The following STK39 variants were observed in gnomAD, a reference collection of about 807,000 sequenced individuals.
The protein encoded by STK39 is serine/threonine kinase 39.
In STK39, 20 loss-of-function variants were observed where a neutral mutation model predicts 77.8. The observed-to-expected ratio is 0.26, with a 90% CI of 0.18 to 0.37. The LOEUF is 0.37. STK39 is among the 10% of genes least tolerant of loss of function. STK39 has a pLI of 1.00. For synonymous variants in STK39, 246 were observed against 234.1 expected (o/e 1.05, Z -0.47); for missense variants, 479 against 656.5 (o/e 0.73, Z 2.95).
chr2:168,009,626 A>T (rs1684219376), intron 16 of STK39, among the ~76,000 whole-genome samples: 1 of 152,232 alleles, frequency 6.6e-6, no homozygotes, highest in African/African-American at 2.4e-5. Context: ...TTTACCTTAT[A>T]GAATTGATGT....
At chr2:167,961,907 TA>T (rs1691970616) in intron 17 of STK39, among the ~76,000 whole-genome samples, 1 of 152,210 alleles carries the variant, frequency 6.6e-6, no homozygotes, top group Non-Finnish European at 1.5e-5. Flanking sequence ...TCTCTGGGGT[TA>T]ATTTGCCCAG....
chr2:168,168,757 G>A lies in STK39; in HGVS notation c.322-1350C>T, dbSNP rs529934181. ...TGTAATCCCAACACTTTGGGAGGCC[G>A]CAGCAGGCGGATCACCCGAGGTCAG... On this transcript the variant is annotated intron_variant, in intron 2 of 17. Transcript: ENST00000355999. Among the ~76,000 whole-genome samples, 8 of 152,336 alleles carry A rather than the reference G, an allele frequency of 5.3e-5. No individual in the cohort carries two copies. The South Asian group carries it at 8.3e-4, about 16-fold the overall frequency.
chr2:168,038,426 T>G (rs1685013579), intron 14 of STK39, among the ~76,000 whole-genome samples: 1 of 141,900 alleles, frequency 7.0e-6, no homozygotes, highest in Admixed American at 7.3e-5. Flanking sequence ...TCCATAGACC[T>G]AAATGTAAAG....
At chr2:168,099,390 T>A (rs1686760807) in intron 10 of STK39, among the ~76,000 whole-genome samples, 1 of 152,226 alleles carries the variant, frequency 6.6e-6, no homozygotes, top group Non-Finnish European at 1.5e-5. Flanking sequence ...TGTTAGCTTT[T>A]TATTAATGTT....
At chr2:167,993,786 G>A (rs1026269912) in intron 16 of STK39, among the ~76,000 whole-genome samples, 1 of 152,146 alleles carries the variant, frequency 6.6e-6, no homozygotes, top group African/African-American at 2.4e-5. Flanking sequence ...AAAATGTTAA[G>A]AGTCAAGTTT....
At chr2:167,956,695 C>CACACACAA (rs1471897166) in intron 17 of STK39, among the ~76,000 whole-genome samples, 3 of 39,426 alleles carry the variant, frequency 7.6e-5, no homozygotes, top group African/African-American at 4.5e-4. Flanking sequence ...CACACACACA[C>CACACACAA]ACTCTCTCTC....
chr2:168,086,868 T>C (rs756454287), intron 10 of STK39, among the ~76,000 whole-genome samples: 70 of 152,266 alleles, frequency 4.6e-4, no homozygotes, highest in Admixed American at 1.4e-3. Context: ...GAGAAGCAAT[T>C]AGATTTCTTA....
chr2:167,989,361 C>T (rs1683640997), intron 16 of STK39, among the ~76,000 whole-genome samples: 1 of 152,140 alleles, frequency 6.6e-6, no homozygotes, highest in Non-Finnish European at 1.5e-5. Flanking sequence ...TTAAGATGAA[C>T]TATCATGAAA....
intron 1 of STK39, among the ~76,000 whole-genome samples, chr2:168,233,815 G>C (rs1165790986): frequency 1.3e-5 from 2 of 152,068 alleles, no homozygotes; most frequent in African/African-American, 2.4e-5. Context: ...CCAACCAAAA[G>C]ACTCTAAAAT....
At chr2:168,149,062 A>G (rs1388709581) in intron 5 of STK39, among the ~76,000 whole-genome samples, 1 of 152,112 alleles carries the variant, frequency 6.6e-6, no homozygotes. Context: ...TTCCTACCAG[A>G]ATCTTGATTT....
intron 10 of STK39, among the ~76,000 whole-genome samples, chr2:168,077,379 GCCCATTTTCT>G (rs1161298674): frequency 6.6e-6 from 1 of 151,954 alleles, no homozygotes; most frequent in African/African-American, 2.4e-5. Flanking sequence ...CAATAAAATG[GCCCATTTTCT>G]CCCATTTTTA....
intron 1 of STK39, among the ~76,000 whole-genome samples, chr2:168,195,315 G>C (rs983381520): frequency 6.6e-6 from 1 of 152,134 alleles, no homozygotes; most frequent in East Asian, 1.9e-4. Context: ...TGGGAAGATC[G>C]CTTGAGCAGA....
chr2:168,015,667 T>C (rs1684385757), intron 15 of STK39, among the ~76,000 whole-genome samples: 2 of 152,186 alleles, frequency 1.3e-5, no homozygotes, highest in Non-Finnish European at 2.9e-5. Context: ...TTCATTGCCA[T>C]AGTCAATTTT....
chr2:168,122,994 G>C lies in STK39; in HGVS notation c.1089+6547C>G, dbSNP rs1418126640. 2.6e-5 allele frequency among the ~76,000 whole-genome samples: 4 copies of C among 152,192 alleles called. No individual in the cohort carries two copies. The East Asian group carries it at 7.7e-4, about 29-fold the overall frequency. ...CTGGAAGGTCCCACCTTATGCATAT[G>C]ATCAAAGTGAACGTTGCCAGTAAAG... is the stretch of plus-strand genomic sequence containing the variant. On this transcript the variant is annotated intron_variant, in intron 10 of 17. Transcript: ENST00000355999.
chr2:168,138,258 A>G lies in STK39; in HGVS notation c.841-37T>C, dbSNP rs754575438. ...ACAAACATGAAGACAGAATCTCAGT[A>G]TAGCAATTGCTACAATCTAGTTTTG... On this transcript the variant is annotated intron_variant, in intron 7 of 17. Transcript: ENST00000355999. 4.4e-6 allele frequency: 7 copies of G among 1,587,914 alleles called. No homozygotes were observed. In the African/African-American group the frequency reaches 5.4e-5, roughly 12 times the overall value.
In STK39 at chr2:168,223,841, T is replaced by C. The variant is rs567440028; in HGVS notation, c.208+23387A>G. On this transcript the variant is annotated intron_variant, in intron 1 of 17. Transcript: ENST00000355999. ...TCCATAAATGTTTGTATCAGAATTA[T>C]CTGGTCGACTTGAATTGCTTTTAAA... Among the ~76,000 whole-genome samples the C allele has an allele frequency of 2.6e-5, 4 of 152,240 alleles. No individual in the cohort carries two copies. In the East Asian group the frequency reaches 7.7e-4, roughly 29 times the overall value.
chr2:168,018,538 A>G (rs79922996), intron 14 of STK39, among the ~76,000 whole-genome samples: 2 of 85,430 alleles, frequency 2.3e-5, no homozygotes, highest in Non-Finnish European at 4.5e-5. Context: ...GAAAAGAAAG[A>G]AAAGAAAGAA....
intron 10 of STK39, among the ~76,000 whole-genome samples, chr2:168,122,483 A>G (rs1257110084): frequency 1.3e-5 from 2 of 152,128 alleles, no homozygotes; most frequent in African/African-American, 2.4e-5. Context: ...TCTGTTACCC[A>G]GGCTGGAGTA....
intron 14 of STK39, among the ~76,000 whole-genome samples, chr2:168,039,257 C>T (rs1685039245): frequency 6.6e-6 from 1 of 151,986 alleles, no homozygotes. Context: ...CAAATGAATA[C>T]ATATAAAAGT....
Sources: allele counts gnomAD v4.1 joint callset (sites outside exome capture counted in the v4.1 genomes callset), GRCh38; gene constraint gnomAD v4.1.1; transcripts MANE v1.5; gene names NCBI Gene and HGNC (gene_info 2026-07-23, HGNC 2026-07-21).